The following BDNF variants were observed in gnomAD, a reference collection of about 807,000 sequenced individuals.
BDNF encodes the protein neurotrophic factor BDNF precursor form.
BDNF carries 1 observed loss-of-function variant against 19.5 expected under a neutral mutation model. The observed-to-expected ratio is 0.05, with a 90% CI of 0.02 to 0.24. The LOEUF (loss-of-function observed/expected upper bound fraction) is 0.24. BDNF is among the 10% of genes least tolerant of loss of function. The pLI is 1.00. For synonymous variants in BDNF, 100 were observed against 121.6 expected (o/e 0.82, Z 1.17); for missense variants, 195 against 317.6 (o/e 0.61, Z 2.93).
rs1165843971 is a variant in BDNF at position 27,719,773 on chromosome 11, G to C, written c.3+1639C>G. On this transcript the variant is annotated intron_variant, in intron 1 of 1. Coordinates refer to the BDNF transcript ENST00000314915. ...AAGGGGGGCGGGAAGGAGGGAGGGA[G>C]GGGGAAAGAGAGGGAGGGAGGGATA... 3 of 180,826 alleles carry C rather than the reference G, an allele frequency of 1.7e-5. No homozygotes were observed. The East Asian group carries it at 5.8e-4, about 35-fold the overall frequency. 11.2% of individuals were successfully genotyped at this position (180,826 alleles called of 1,614,324 possible).
At chr11:27,721,717 TC>T in exon 1 of BDNF, 1 of 503,840 alleles carries the variant, frequency 2.0e-6, no homozygotes, top group South Asian at 2.4e-5. Flanking sequence ...CTTACGTGAT[TC>T]TAATGAATGA....
intron 1 of BDNF, among the ~76,000 whole-genome samples, chr11:27,682,376 C>T (rs1262239420): frequency 6.7e-6 from 1 of 150,034 alleles, no homozygotes; most frequent in Non-Finnish European, 1.5e-5. Flanking sequence ...ATGCTGCATT[C>T]TATTTTATTG....
rs183517255 is a variant in BDNF, at chr11:27,682,871, A to G, written c.-22+17293T>C. ...GTGAATAGTGCCACAATAAACATAC[A>G]TGTGCATGTGTCTTTATAGTAGCAT... On this transcript the variant is annotated intron_variant, in intron 1 of 1. Coordinates refer to ENST00000356660, the MANE Select transcript of BDNF (RefSeq NM_001709.5). Among the ~76,000 whole-genome samples the G allele has an allele frequency of 1.8e-3, 276 of 152,254 alleles. 2 individuals carry two copies. The highest frequency in any genetic ancestry group is 3.1e-3 in the Non-Finnish European group (212 of 68,012).
chr11:27,721,473 C>T (rs1050616324), exon 1 of BDNF: 10 of 1,597,398 alleles, frequency 6.3e-6, no homozygotes, highest in Non-Finnish European at 8.6e-6. Context: ...CCAACAGATG[C>T]TGGAAGGTAA....
At chr11:27,688,710 C>T (rs903968344) in intron 1 of BDNF, among the ~76,000 whole-genome samples, 4 of 152,192 alleles carry the variant, frequency 2.6e-5, no homozygotes, top group Admixed American at 2.6e-4. Flanking sequence ...ATGCTCCACC[C>T]TGCTTTGGCT....
At chr11:27,712,764 C>T (rs1479227709) in intron 1 of BDNF, among the ~76,000 whole-genome samples, 1 of 151,710 alleles carries the variant, frequency 6.6e-6, no homozygotes, top group Non-Finnish European at 1.5e-5. Context: ...ATCCACCCGC[C>T]TTGGCCTCCC....
intron 1 of BDNF, among the ~76,000 whole-genome samples, chr11:27,693,707 C>A (rs1165547121): frequency 6.6e-6 from 1 of 152,164 alleles, no homozygotes; most frequent in Non-Finnish European, 1.5e-5. Context: ...AGAAGTTTGT[C>A]TGTGTTTAAA....
At chr11:27,678,356 C>T (rs919963985) in intron 1 of BDNF, among the ~76,000 whole-genome samples, 1 of 152,176 alleles carries the variant, frequency 6.6e-6, no homozygotes, top group Non-Finnish European at 1.5e-5. Context: ...GACCCAGTCT[C>T]AAAAGCATCT....
intron 1 of BDNF, chr11:27,720,527 T>C: frequency 2.0e-6 from 2 of 985,666 alleles, no homozygotes; most frequent in Non-Finnish European, 2.4e-6. Flanking sequence ...TTCCAAACGC[T>C]CCGCTCCAAA....
chr11:27,698,680 G>A (rs1401133822), intron 1 of BDNF, among the ~76,000 whole-genome samples: 2 of 152,100 alleles, frequency 1.3e-5, no homozygotes, highest in African/African-American at 4.8e-5. Flanking sequence ...TTTATATGCA[G>A]TTAGAAAATC....
Position 27,715,739 on chromosome 11 carries a change from G to T in BDNF, c.3+5673C>A, listed in dbSNP as rs372763368. On this transcript the variant is annotated intron_variant, in intron 1 of 1. Transcript: ENST00000314915. ...AAATTTGAAGAAAGACTCTGAGTTA[G>T]TCTTTACATCTTACTGGCAGTGTAG... is the stretch of plus-strand genomic sequence containing the variant. 7.0e-4 allele frequency among the ~76,000 whole-genome samples: 106 copies of T among 152,296 alleles called. 5 individuals carry two copies. In the South Asian group the frequency reaches 0.022, roughly 31 times the overall value.
At chr11:27,678,132 A>G (rs1356603446) in intron 1 of BDNF, among the ~76,000 whole-genome samples, 2 of 152,216 alleles carry the variant, frequency 1.3e-5, no homozygotes, top group South Asian at 2.1e-4. Context: ...AGACAAATTC[A>G]TGGGTGATCA....
chr11:27,717,884 T>C (rs1397108345), intron 1 of BDNF, among the ~76,000 whole-genome samples: 1 of 152,048 alleles, frequency 6.6e-6, no homozygotes, highest in Non-Finnish European at 1.5e-5. Flanking sequence ...TGTGTGTGTG[T>C]GTGTGTGTAG....
intron 1 of BDNF, among the ~76,000 whole-genome samples, chr11:27,672,248 A>G (rs1003772364): frequency 6.6e-6 from 1 of 152,332 alleles, no homozygotes; most frequent in East Asian, 1.9e-4. Context: ...ACATCTACAC[A>G]ATCATTAATT....
At chr11:27,659,259 C>T (rs1590221862) in intron 1 of BDNF, 1 of 965,820 alleles carries the variant, frequency 1.0e-6, no homozygotes, top group Non-Finnish European at 1.2e-6. Flanking sequence ...AGAAGACTTG[C>T]CTTATGTCAT....
At chr11:27,676,783 C>T (rs1292169705) in intron 1 of BDNF, among the ~76,000 whole-genome samples, 1 of 152,084 alleles carries the variant, frequency 6.6e-6, no homozygotes, top group Middle Eastern at 3.2e-3. Context: ...GCAAGACATC[C>T]CTGTGATTTG....
chr11:27,661,358 A>G (rs1413269697), intron 1 of BDNF, among the ~76,000 whole-genome samples: 1 of 152,174 alleles, frequency 6.6e-6, no homozygotes, highest in Non-Finnish European at 1.5e-5. Context: ...CAACCCAGGC[A>G]TAGGATAGAA....
At chr11:27,696,015 T>C (rs1858949651) in intron 1 of BDNF, among the ~76,000 whole-genome samples, 1 of 152,034 alleles carries the variant, frequency 6.6e-6, no homozygotes. Flanking sequence ...CCCCCTCCTC[T>C]CCCCTGCAAA....
exon 1 of BDNF, chr11:27,721,482 A>T: frequency 6.3e-7 from 1 of 1,576,680 alleles, no homozygotes; most frequent in Non-Finnish European, 8.7e-7. Context: ...GCTGGAAGGT[A>T]ATGTGTCTTG....
Sources: gnomAD v4.1 joint callset for allele counts (sites outside exome capture counted in the v4.1 genomes callset) on GRCh38, gnomAD v4.1.1 for gene constraint, MANE v1.5 for transcripts, NCBI Gene and HGNC (gene_info 2026-07-23, HGNC 2026-07-21) for gene names.